The following TMEM255A variants were observed in gnomAD, a reference collection of about 807,000 sequenced individuals.
TMEM255A encodes the protein transmembrane protein 255A, also known as family with sequence similarity 70, member A.
In TMEM255A, 14 loss-of-function variants were observed where a neutral mutation model predicts 23.5. That is an observed-to-expected ratio of 0.60 (90% CI 0.39 to 0.93). The LOEUF (loss-of-function observed/expected upper bound fraction) is 0.93, where lower values mean the gene tolerates loss of function less well. Ranked by LOEUF, TMEM255A falls within the 40% of genes least tolerant of loss-of-function variation. The probability of loss-of-function intolerance (pLI) is 0.00; values close to 1 mark genes in which losing one functional copy is unlikely to be tolerated. For synonymous variants in TMEM255A, 104 were observed against 100.3 expected (o/e 1.04, Z -0.22); for missense variants, 233 against 261.7 (o/e 0.89, Z 0.76).
At chrX:120,253,978 C>A (rs77815464), downstream of TMEM255A, 1 of 1,176,117 alleles carries the variant, frequency 8.5e-7, no homozygotes, top group Non-Finnish European at 1.2e-6. Context: ...GTTACCGATT[C>A]TGATGATGAT....
chrX:120,295,883 A>G (rs1316119696), intron 2 of TMEM255A, among the ~76,000 whole-genome samples: 1 of 112,361 alleles, frequency 8.9e-6, no homozygotes, highest in African/African-American at 3.2e-5. Context: ...AGTGATTATT[A>G]TTATTTTTAC....
At chrX:120,307,118 T>A (rs1252169919) in intron 1 of TMEM255A, among the ~76,000 whole-genome samples, 1 of 112,460 alleles carries the variant, frequency 8.9e-6, no homozygotes, top group East Asian at 2.8e-4. Flanking sequence ...ACTTGGGGAA[T>A]TGACTGTTTT....
chrX:120,271,222 C>T (rs1311416479), intron 7 of TMEM255A, among the ~76,000 whole-genome samples: 1 of 111,888 alleles, frequency 8.9e-6, no homozygotes, highest in Non-Finnish European at 1.9e-5. Flanking sequence ...TATGTTAAAA[C>T]ACTCATAGAA....
chrX:120,252,995 C>T, the TMEM255A span, among the ~76,000 whole-genome samples: 1 of 111,829 alleles, frequency 8.9e-6, no homozygotes, highest in South Asian at 3.7e-4. Context: ...CATTTACAGG[C>T]GAAATAACTT....
At chrX:120,311,083 C>T (rs1174300548) in intron 1 of TMEM255A, among the ~76,000 whole-genome samples, 169 bp downstream of exon 1, 4 of 111,149 alleles carry the variant, frequency 3.6e-5, no homozygotes, top group African/African-American at 9.8e-5. Context: ...AGCCAGGCCG[C>T]TCCCCTGGGA....
At chrX:120,289,415 C>G (rs1180917840) in intron 4 of TMEM255A, among the ~76,000 whole-genome samples, 1 of 111,417 alleles carries the variant, frequency 9.0e-6, no homozygotes, top group East Asian at 2.8e-4. Flanking sequence ...TTGACTGGAG[C>G]CAATGATCAA....
At chrX:120,311,179 G>A in intron 1 of TMEM255A, 73 bp downstream of exon 1, 1 of 943,962 alleles carries the variant, frequency 1.1e-6, no homozygotes, top group Non-Finnish European at 1.5e-6. Flanking sequence ...GGGCAGCTGG[G>A]GCGTTCACAG....
intron 2 of TMEM255A, among the ~76,000 whole-genome samples, chrX:120,296,868 T>TA (rs1376684600): frequency 2.0e-3 from 5 of 2,457 alleles, no homozygotes; most frequent in African/African-American, 0.01. Context: ...ATATAATATA[T>TA]TATATATCAT....
rs1413822288 is a variant in TMEM255A, at chrX:120,296,941, AT to A, written c.202-2891del. Among the ~76,000 whole-genome samples, 15 of 2,887 alleles carry A rather than the reference AT, an allele frequency of 5.2e-3. 2 individuals carry two copies. Among genetic ancestry groups the A allele is most frequent in the African/African-American group, 6.8e-3 (2 of 296 alleles). The allele number at this position is 2,887 out of a possible 115,157, so 2.5% of individuals were successfully genotyped here. The stretch of plus-strand genomic sequence containing the variant: ...TTATATATAATATTATATATATAAT[AT>A]TATATATATATTATATATAATATAT... On this transcript the variant is annotated intron_variant, in intron 2 of 8. Coordinates refer to ENST00000371369, the MANE Select transcript of TMEM255A (RefSeq NM_001104544.3).
intron 4 of TMEM255A, among the ~76,000 whole-genome samples, chrX:120,289,909 A>C (rs1055133745): frequency 1.5e-4 from 17 of 111,265 alleles, no homozygotes; most frequent in African/African-American, 4.9e-4. Flanking sequence ...AACTGAAAGA[A>C]ACCAATCACA....
At chrX:120,302,127 A>T (rs1556026098) in intron 2 of TMEM255A, among the ~76,000 whole-genome samples, 2 of 111,262 alleles carry the variant, frequency 1.8e-5, no homozygotes, top group East Asian at 5.6e-4. Context: ...TGAACCACTC[A>T]CACGCAAACA....
chrX:120,261,617 TC>T (rs1337950657), intron 8 of TMEM255A, among the ~76,000 whole-genome samples: 1 of 111,595 alleles, frequency 9.0e-6, no homozygotes, highest in Non-Finnish European at 1.9e-5. Flanking sequence ...TGCTGCCCCC[TC>T]ATCCCCAAGT....
At chrX:120,280,596 G>A (rs2057830822) in intron 6 of TMEM255A, among the ~76,000 whole-genome samples, 1 of 110,803 alleles carries the variant, frequency 9.0e-6, no homozygotes, top group Admixed American at 9.6e-5. Flanking sequence ...CCATCCTCAT[G>A]CCTCCATCAC....
chrX:120,276,781 A>T (rs2057801360), intron 7 of TMEM255A, 104 bp downstream of exon 7: 13 of 885,893 alleles, frequency 1.5e-5, no homozygotes, highest in Admixed American at 9.0e-5. Context: ...ATTGCTTCTG[A>T]TTCTTCCCTT....
At chrX:120,292,507 C>T (rs1301749764) in intron 3 of TMEM255A, among the ~76,000 whole-genome samples, 1 of 110,622 alleles carries the variant, frequency 9.0e-6, no homozygotes, top group African/African-American at 3.3e-5. Context: ...GCCTGTAATC[C>T]CAGTACTTTG....
At chrX:120,253,819 C>T, downstream of TMEM255A, 2 of 1,211,454 alleles carry the variant, frequency 1.7e-6, no homozygotes, top group Non-Finnish European at 2.2e-6. Context: ...GATGGTAATA[C>T]TGAGCCTTTA....
chrX:120,300,534 C>T (rs1444913042), intron 2 of TMEM255A, among the ~76,000 whole-genome samples: 2 of 104,758 alleles, frequency 1.9e-5, no homozygotes, highest in African/African-American at 7.1e-5. Flanking sequence ...ACTACAGGCT[C>T]ATGCCACAGG....
chrX:120,274,077 A>G (rs1556019296), intron 7 of TMEM255A, among the ~76,000 whole-genome samples: 2 of 112,591 alleles, frequency 1.8e-5, no homozygotes, highest in African/African-American at 6.5e-5. Flanking sequence ...TTCAGCCATA[A>G]AAAGAAATGA....
In TMEM255A at chrX:120,265,621, T is replaced by C. The variant is rs950097086; in HGVS notation, c.819+2623A>G. 6.3e-5 allele frequency among the ~76,000 whole-genome samples: 7 copies of C among 111,803 alleles called. 1 individual carries two copies. The Admixed American group carries it at 6.6e-4, about 11-fold the overall frequency. Reference sequence around the variant, plus strand: ...CAACTTCAAAAATCCCCCAACCCAATCTCTGGAATCAGTCAGCCCTAGATA... The same window carrying C: ...CAACTTCAAAAATCCCCCAACCCAACCTCTGGAATCAGTCAGCCCTAGATA... On this transcript the variant is annotated intron_variant, in intron 8 of 8. Coordinates refer to ENST00000371369, the MANE Select transcript of TMEM255A (RefSeq NM_001104544.3).
Sources: gnomAD v4.1 joint callset for allele counts (sites outside exome capture counted in the v4.1 genomes callset) on GRCh38, gnomAD v4.1.1 for gene constraint, MANE v1.5 for transcripts, NCBI Gene and HGNC (gene_info 2026-07-23, HGNC 2026-07-21) for gene names.